IFIH1: variants seen among roughly 807,000 people sequenced by gnomAD.
The protein encoded by IFIH1 is interferon-induced helicase C domain-containing protein 1.
A neutral mutation model predicts 107.4 loss-of-function variants in IFIH1; 125 were observed. The observed-to-expected ratio is 1.16, with a 90% CI of 1.01 to 1.35. IFIH1 has a LOEUF of 1.35. Ranked by LOEUF, IFIH1 falls within the 40% of genes most tolerant of loss-of-function variation. The pLI, the probability that IFIH1 is intolerant of heterozygous loss-of-function variation, is 0.00. For missense variants in IFIH1, 1,333 were observed against 1,213.7 expected (o/e 1.10, Z -1.46); for synonymous variants, 458 against 413.2 (o/e 1.11, Z -1.31).
chr2:162,270,517 C>G (rs960285023), intron 13 of IFIH1, among the ~76,000 whole-genome samples: 5 of 152,140 alleles, frequency 3.3e-5, no homozygotes, highest in African/African-American at 1.2e-4. Flanking sequence ...ATTGCCACTC[C>G]TACTCTAAGT....
At chr2:162,313,182 A>C (rs1163070045) in intron 1 of IFIH1, among the ~76,000 whole-genome samples, 1 of 152,178 alleles carries the variant, frequency 6.6e-6, no homozygotes, top group African/African-American at 2.4e-5. Flanking sequence ...TTGGTGCTGG[A>C]AAGTACATCA....
At chr2:162,292,301 A>AAATAT (rs1156554324) in intron 4 of IFIH1, among the ~76,000 whole-genome samples, 1 of 151,928 alleles carries the variant, frequency 6.6e-6, no homozygotes, top group Non-Finnish European at 1.5e-5. Flanking sequence ...TAGAAAAAAC[A>AAATAT]AATATAATCC....
chr2:162,284,777 C>A (rs1682870942), intron 5 of IFIH1, among the ~76,000 whole-genome samples: 1 of 151,992 alleles, frequency 6.6e-6, no homozygotes, highest in Non-Finnish European at 1.5e-5. Flanking sequence ...ATATATCTCT[C>A]ATCTTTCTTC....
intron 1 of IFIH1, among the ~76,000 whole-genome samples, chr2:162,314,457 T>TTTCTTTCA (rs1683447775): frequency 8.1e-6 from 1 of 124,218 alleles, no homozygotes; most frequent in Admixed American, 1.1e-4. Context: ...TCTTTCTTTC[T>TTTCTTTCA]TTCTTTCTTT....
At chr2:162,297,993 T>C (rs890515380) in intron 3 of IFIH1, among the ~76,000 whole-genome samples, 9 of 152,164 alleles carry the variant, frequency 5.9e-5, no homozygotes, top group Admixed American at 6.6e-5. Context: ...AGACCTTAAA[T>C]ACTTTAAAAT....
At chr2:162,313,584 A>T (rs1683419637) in intron 1 of IFIH1, among the ~76,000 whole-genome samples, 2 of 152,204 alleles carry the variant, frequency 1.3e-5, no homozygotes, top group Admixed American at 6.5e-5. Flanking sequence ...TTACCAACAC[A>T]ATTGTACAGT....
intron 13 of IFIH1, among the ~76,000 whole-genome samples, chr2:162,270,773 C>T (rs1205438325): frequency 6.6e-6 from 1 of 152,120 alleles, no homozygotes; most frequent in Non-Finnish European, 1.5e-5. Flanking sequence ...CAGTAACTTT[C>T]CAGTGGCATA....
chr2:162,306,140 T>A (rs1683277374), intron 3 of IFIH1, among the ~76,000 whole-genome samples: 1 of 152,208 alleles, frequency 6.6e-6, no homozygotes, highest in Admixed American at 6.5e-5. Flanking sequence ...AGGGAAAAAA[T>A]AATTAAATAA....
intron 10 of IFIH1, 50 bp from the exon 11 acceptor site, chr2:162,276,996 T>A (rs773206669): frequency 7.3e-7 from 1 of 1,371,856 alleles, no homozygotes; most frequent in Admixed American, 2.1e-5. Context: ...ATTTAGCCAC[T>A]CCACAATGTA....
chr2:162,287,392 T>C (rs1391544794), intron 5 of IFIH1, among the ~76,000 whole-genome samples: 1 of 151,920 alleles, frequency 6.6e-6, no homozygotes, highest in Non-Finnish European at 1.5e-5. Context: ...CCCCAATTTG[T>C]ATATTTATAA....
At chr2:162,271,682 TC>T (rs1306227120) in intron 13 of IFIH1, among the ~76,000 whole-genome samples, 1 of 152,208 alleles carries the variant, frequency 6.6e-6, no homozygotes, top group East Asian at 1.9e-4. Flanking sequence ...ATCATCCTAT[TC>T]TAATTCTCTT....
At chr2:162,306,213 C>G (rs954622634) in intron 3 of IFIH1, among the ~76,000 whole-genome samples, 4 of 152,140 alleles carry the variant, frequency 2.6e-5, no homozygotes, top group African/African-American at 7.2e-5. Flanking sequence ...CAGTCCTCAC[C>G]GATTAGTTAA....
At chr2:162,274,234 G>A (rs563004863) in intron 11 of IFIH1, among the ~76,000 whole-genome samples, 1 of 152,284 alleles carries the variant, frequency 6.6e-6, no homozygotes, top group South Asian at 2.1e-4. Context: ...TGACTCCAGA[G>A]GAAGAAAGGA....
intron 5 of IFIH1, among the ~76,000 whole-genome samples, chr2:162,282,819 A>G (rs1682834673): frequency 6.6e-6 from 1 of 151,962 alleles, no homozygotes; most frequent in Non-Finnish European, 1.5e-5. Flanking sequence ...GACAACTCTG[A>G]GGAACTCTGT....
chr2:162,309,165 A>G (rs1387129738), intron 2 of IFIH1, among the ~76,000 whole-genome samples: 1 of 152,228 alleles, frequency 6.6e-6, no homozygotes, highest in African/African-American at 2.4e-5. Context: ...AAGGCTTGAG[A>G]ATAGCTCTGT....
chr2:162,288,160 C>T lies in IFIH1; in HGVS notation c.1070G>A (p.Gly357Glu). The T allele has an allele frequency of 6.2e-7, 1 of 1,611,678 alleles. No homozygotes were observed. The highest frequency in any genetic ancestry group is 8.5e-7 in the Non-Finnish European group (1 of 1,178,694). Residue 357 changes from glycine to glutamate, a missense_variant, in exon 5 of 16, where the codon GGA (glycine) becomes GAA (glutamate). By Grantham distance (98) the Gly-to-Glu change is moderately conservative (BLOSUM62 -2). Transcript: ENST00000649979. ...LDKKKKASEP[G>E]KVIVLVNKVL... ...CTTATTGACAAGAACTATAACTTTT[C>T]CAGGCTCAGATGCTTTTTTCTTCTT...
chr2:162,306,745 A>G lies in IFIH1; in HGVS notation c.733T>C (p.Ser245Pro). The G allele has an allele frequency of 6.2e-7, 1 of 1,613,940 alleles. No homozygotes were observed. The highest frequency in any genetic ancestry group is 8.5e-7 in the Non-Finnish European group (1 of 1,179,876). ...GAAGAATCTGCAAAAGATGATTCTG[A>G]TGAGTTATTCTCCATGCCCCAGACC... ...KEVWGMENNS[S>P]ESSFADSSVV... Residue 245 changes from serine (S) to proline (P), a missense_variant, in exon 3 of 16, where the codon TCA becomes CCA. Coordinates refer to ENST00000649979, the MANE Select transcript of IFIH1 (RefSeq NM_022168.4).
At chr2:162,283,493 C>T (rs1276975003) in intron 5 of IFIH1, among the ~76,000 whole-genome samples, 1 of 151,960 alleles carries the variant, frequency 6.6e-6, no homozygotes, top group East Asian at 1.9e-4. Flanking sequence ...AGGTCATATC[C>T]TAGGAAGATT....
In IFIH1 at chr2:162,281,510, T is replaced by C. The variant is rs1268181613; in HGVS notation, c.1342A>G (p.Thr448Ala). The C allele has an allele frequency of 1.9e-6, 3 of 1,611,184 alleles. No individual in the cohort carries two copies. The highest frequency in any genetic ancestry group is 1.7e-6 in the Non-Finnish European group (2 of 1,178,240). ...SLIIIDECHH[T>A]NKEAVYNNIM... is the part of the protein sequence containing the mutation. ...TTATTATACACTGCTTCTTTGTTGGTGTGATGACATTCATCAATGATAATG... is the reference window on the plus strand; with the variant it reads ...TTATTATACACTGCTTCTTTGTTGGCGTGATGACATTCATCAATGATAATG... Residue 448 changes from threonine (T) to alanine (A), a missense_variant, in exon 7 of 16, where the codon ACC becomes GCC. Thr to Ala is a moderately conservative substitution (Grantham distance 58). Transcript: ENST00000649979.
Sources: gnomAD v4.1 joint callset for allele counts (sites outside exome capture counted in the v4.1 genomes callset) on GRCh38, gnomAD v4.1.1 for gene constraint, MANE v1.5 for transcripts, NCBI Gene and HGNC (gene_info 2026-07-23, HGNC 2026-07-21) for gene names.